Variants in KYAT3 observed in about 807,000 individuals in gnomAD.
KYAT3 encodes the protein kynurenine aminotransferase 3, also known as kynurenine--oxoglutarate transaminase 3.
In KYAT3, 50 loss-of-function variants were observed where a neutral mutation model predicts 59.0. The observed-to-expected ratio is 0.85, with a 90% CI of 0.68 to 1.07. KYAT3 has a LOEUF of 1.07. KYAT3 is among the 50% of genes least tolerant of loss of function. The pLI is 0.00. For synonymous variants in KYAT3, 148 were observed against 177.0 expected (o/e 0.84, Z 1.30); for missense variants, 497 against 533.3 (o/e 0.93, Z 0.67).
Position 88,935,887 on chromosome 1 carries a change from TATA to T in KYAT3, c.*293_*295del. 2.4e-6 allele frequency: 1 copy of T among 414,110 alleles called. No individual in the cohort carries two copies. Among genetic ancestry groups the T allele is most frequent in the Non-Finnish European group, 4.3e-6 (1 of 233,784 alleles). The allele number at this position is 414,110 out of a possible 1,614,324, so 25.7% of individuals were successfully genotyped here. ...ACAGGTACTGATTTTATTCCTATTT[TATA>T]ATGAGAGAACCGAGTTACTGAGAGG... On this transcript the variant is annotated 3_prime_UTR_variant, in exon 14 of 14. Coordinates refer to ENST00000260508, the MANE Select transcript of KYAT3 (RefSeq NM_001008661.3).
intron 2 of KYAT3, chr1:88,982,650 G>C (rs1388715590): frequency 6.3e-7 from 1 of 1,585,588 alleles, no homozygotes; most frequent in East Asian, 2.2e-5. Context: ...AGTTTTGTTT[G>C]TTTCTAGTAT....
intron 13 of KYAT3, among the ~76,000 whole-genome samples, chr1:88,940,309 T>A (rs1557679257): frequency 6.6e-6 from 1 of 152,164 alleles, no homozygotes; most frequent in Non-Finnish European, 1.5e-5. Flanking sequence ...TGACCTCAAG[T>A]GATCCTCCTG....
rs145664845 is a variant in KYAT3, at chr1:88,955,210, A to G, written c.803T>C (p.Met268Thr). 1.9e-6 allele frequency: 3 copies of G among 1,610,566 alleles called. No homozygotes were observed. The African/African-American group carries it at 4.0e-5, about 22-fold the overall frequency. The change falls in exon 9 of 14, where the codon ATG (methionine) becomes ACG (threonine). Residue 268 changes from methionine (M) to threonine (T), a missense_variant. By Grantham distance (81) the Met-to-Thr change is moderately conservative (BLOSUM62 -1). This residue lies in a region of KYAT3 where 469 missense variants were observed against 479.1 expected (regional missense o/e 0.98). Transcript: ENST00000260508. ...TCCTATTGTTATTGTTCTCTCCCAC[A>G]TACCTGGAAAAGTAGCTAAACAGAG... ...KHLKIATFPGMWERTITIGSA... is the reference protein window; with the variant it reads ...KHLKIATFPGTWERTITIGSA...
intron 10 of KYAT3, among the ~76,000 whole-genome samples, chr1:88,951,239 CTT>C (rs908779781): frequency 1.4e-5 from 2 of 144,496 alleles, no homozygotes; most frequent in Admixed American, 6.9e-5. Flanking sequence ...TCTTTCTTTT[CTT>C]TTTTTTTTTT....
At chr1:88,981,103 G>T (rs1677064694) in intron 2 of KYAT3, 1 of 152,188 alleles carries the variant, frequency 6.6e-6, no homozygotes, top group Non-Finnish European at 1.5e-5. Context: ...TCCAAGACGG[G>T]GAGGTAAAGC....
At chr1:88,958,100 C>T (rs1045657280) in intron 8 of KYAT3, among the ~76,000 whole-genome samples, 6 of 152,144 alleles carry the variant, frequency 3.9e-5, no homozygotes, top group African/African-American at 1.4e-4. Context: ...GACGATCAGG[C>T]CTATAATTCC....
In KYAT3 at chr1:88,955,232, AGAG is replaced by A; in HGVS notation, c.788-10_788-8del. ...CACATACCTGGAAAAGTAGCTAAAC[AGAG>A]GAGGAAAAAAGGGTAAATATTGTTT... On this transcript the variant is annotated splice_region_variant and splice_polypyrimidine_tract_variant and intron_variant, in intron 8 of 13. Coordinates refer to ENST00000260508, the MANE Select transcript of KYAT3 (RefSeq NM_001008661.3). 1 of 1,581,186 alleles carries A rather than the reference AGAG, an allele frequency of 6.3e-7. No homozygotes were observed. Among genetic ancestry groups the A allele is most frequent in the African/African-American group, 1.3e-5 (1 of 74,438 alleles).
chr1:88,961,178 T>A lies in KYAT3; in HGVS notation c.776A>T (p.His259Leu). 6.2e-7 allele frequency: 1 copy of A among 1,613,442 alleles called. No individual in the cohort carries two copies. Among genetic ancestry groups the A allele is most frequent in the Non-Finnish European group, 8.5e-7 (1 of 1,179,810 alleles). ...GTTATAGTTGGTACCTATTTTTAAG[T>A]GCTTATTTCCAGAATATACAAGCCA... ...YEWLVYSGNK[H>L]LKIATFPGMW... is the part of the protein sequence containing the mutation. Residue 259 changes from histidine to leucine, a missense_variant, in exon 8 of 14, where the codon CAC (histidine) becomes CTC (leucine). By Grantham distance (99) the His-to-Leu change is moderately conservative. Around this residue, in one of 2 missense-constraint regions of KYAT3, gnomAD observed 469 missense variants for 479.1 expected, o/e 0.98. Coordinates refer to ENST00000260508, the MANE Select transcript of KYAT3 (RefSeq NM_001008661.3).
At chr1:88,982,128 G>A (rs1677121132) in intron 2 of KYAT3, 4 of 980,334 alleles carry the variant, frequency 4.1e-6, no homozygotes, top group Non-Finnish European at 4.9e-6. Flanking sequence ...GGTTTACTGG[G>A]TGAATAGCAC....
At position 88,960,841 on chromosome 1, in the gene KYAT3, C is replaced by T. The variant is rs200244968; in HGVS notation, c.787+326G>A. 9.2e-5 allele frequency among the ~76,000 whole-genome samples: 14 copies of T among 152,276 alleles called. No individual in the cohort carries two copies. The East Asian group carries it at 1.9e-3, about 21-fold the overall frequency. ...TTGTTCAGCATAGACCGTCTAGAAC[C>T]TTTTCAGGCACAAGAAAGCTCCCTG... On this transcript the variant is annotated intron_variant, in intron 8 of 13. Coordinates refer to ENST00000260508, the MANE Select transcript of KYAT3 (RefSeq NM_001008661.3).
intron 10 of KYAT3, among the ~76,000 whole-genome samples, chr1:88,951,277 C>T (rs12064123): frequency 0.18 from 26,441 of 150,870 alleles, 2,975 homozygotes; most frequent in African/African-American, 0.33. Context: ...TGTTGTTGCC[C>T]AGGCTGGAGT....
chr1:88,991,177 G>A (rs1677774053), intron 1 of KYAT3, among the ~76,000 whole-genome samples: 1 of 152,198 alleles, frequency 6.6e-6, no homozygotes. Context: ...TTTGGGGGTG[G>A]CCCGAAGCTG....
intron 2 of KYAT3, 69 bp downstream of exon 2, chr1:88,988,182 GA>G: frequency 3.0e-6 from 3 of 991,306 alleles, no homozygotes; most frequent in South Asian, 3.0e-5. Flanking sequence ...AAAAGCATCT[GA>G]AAAATTACAT....
intron 2 of KYAT3, chr1:88,983,825 A>AC (rs1677258334): frequency 1.5e-6 from 1 of 664,050 alleles, no homozygotes; most frequent in African/African-American, 2.1e-5. Context: ...TGCTTCAACC[A>AC]TTTTTTTTTT....
Position 88,968,744 on chromosome 1 carries a change from G to T in KYAT3, c.229C>A (p.Pro77Thr). The T allele has an allele frequency of 6.3e-7, 1 of 1,599,886 alleles. No homozygotes were observed. Among genetic ancestry groups the T allele is most frequent in the Non-Finnish European group, 8.5e-7 (1 of 1,175,758 alleles). Residue 77 changes from proline to threonine, a missense_variant, in exon 4 of 14, where the codon CCT becomes ACT. Physicochemically the swap from Pro to Thr is conservative, Grantham distance 38. This residue lies in a region of KYAT3 where 469 missense variants were observed against 479.1 expected (regional missense o/e 0.98). Coordinates refer to ENST00000260508, the MANE Select transcript of KYAT3 (RefSeq NM_001008661.3). ...AATTCTTCTTTTACATATGTAGGAG[G>T]GGATATATCTGGAAAGCCTTGGCCA... ...NLGQGFPDIS[P>T]PTYVKEELSK...
In KYAT3 at chr1:88,982,746, C is replaced by T; in HGVS notation, c.99+5506G>A. 1 of 1,613,986 alleles carries T rather than the reference C, an allele frequency of 6.2e-7. No individual in the cohort carries two copies. The highest frequency in any genetic ancestry group is 8.5e-7 in the Non-Finnish European group (1 of 1,179,880). On this transcript the variant is annotated intron_variant, in intron 2 of 13. Coordinates refer to ENST00000260508, the MANE Select transcript of KYAT3 (RefSeq NM_001008661.3). ...CCGCGGCTTGAACTGCTGTAGGAAT[C>T]ACGTGAAGAAGGGTACCCCCTTTCT...
At chr1:88,936,336 A>T (rs1675037921) in intron 13 of KYAT3, 91 bp from the exon 14 acceptor site, 1 of 999,292 alleles carries the variant, frequency 1.0e-6, no homozygotes, top group South Asian at 1.5e-5. Context: ...ATGAAGATTT[A>T]AGTGAATATC....
chr1:88,982,749 G>A (rs775587496), intron 2 of KYAT3: 64 of 1,613,826 alleles, frequency 4.0e-5, no homozygotes, highest in Middle Eastern at 1.6e-4. Flanking sequence ...TAGGAATCAC[G>A]TGAAGAAGGG....
chr1:88,963,511 A>C (rs1676228118), intron 5 of KYAT3, among the ~76,000 whole-genome samples: 2 of 152,224 alleles, frequency 1.3e-5, no homozygotes, highest in African/African-American at 2.4e-5. Flanking sequence ...ATGAGAGTTT[A>C]AAGAAAGTTA....
Sources: gnomAD v4.1 joint callset for allele counts (sites outside exome capture counted in the v4.1 genomes callset) on GRCh38, gnomAD v4.1.1 for gene constraint, gnomAD v4.1.1 regional missense constraint, MANE v1.5 for transcripts, NCBI Gene and HGNC (gene_info 2026-07-23, HGNC 2026-07-21) for gene names.